The following CC2D2A variants were observed in gnomAD, a reference collection of about 807,000 sequenced individuals.
CC2D2A encodes coiled-coil and C2 domain-containing protein 2A.
In CC2D2A, 155 loss-of-function variants were observed where a neutral mutation model predicts 212.9. The ratio of observed to expected loss-of-function variants is 0.73; its 90% confidence interval spans 0.64 to 0.83. The LOEUF (loss-of-function observed/expected upper bound fraction) is 0.83. CC2D2A is among the 40% of genes least tolerant of loss of function. The pLI, the probability that CC2D2A is intolerant of heterozygous loss-of-function variation, is 0.00. For synonymous variants in CC2D2A, 667 were observed against 686.5 expected, an observed-to-expected ratio of 0.97 and a Z score of 0.44; for missense variants, 1,856 against 1,956.2, an observed-to-expected ratio of 0.95 and a Z score of 0.97.
At chr4:15,582,676 A>G (rs1324989258) in intron 30 of CC2D2A, among the ~76,000 whole-genome samples, 1 of 152,190 alleles carries the variant, frequency 6.6e-6, no homozygotes, top group African/African-American at 2.4e-5. Context: ...AACAATAACA[A>G]GTAATGAGAT....
intron 11 of CC2D2A, among the ~76,000 whole-genome samples, chr4:15,524,752 T>C (rs1458531294): frequency 1.3e-5 from 2 of 152,218 alleles, no homozygotes; most frequent in African/African-American, 4.8e-5. Context: ...CACCCGGCTT[T>C]AATTTTTTTT....
At chr4:15,571,241 T>C (rs1157560689) in intron 28 of CC2D2A, among the ~76,000 whole-genome samples, 1 of 152,226 alleles carries the variant, frequency 6.6e-6, no homozygotes, top group Non-Finnish European at 1.5e-5. Flanking sequence ...TCCATTAATA[T>C]TTCTACAAGT....
At chr4:15,597,697 T>TA (rs1364847365) in intron 35 of CC2D2A, among the ~76,000 whole-genome samples, 1 of 152,234 alleles carries the variant, frequency 6.6e-6, no homozygotes, top group African/African-American at 2.4e-5. Context: ...TACGTACTTC[T>TA]ACAGGGACTT....
At chr4:15,526,086 T>C (rs1013802726) in intron 11 of CC2D2A, among the ~76,000 whole-genome samples, 2 of 152,204 alleles carry the variant, frequency 1.3e-5, no homozygotes, top group Non-Finnish European at 2.9e-5. Flanking sequence ...GAATCCCCTC[T>C]TCTGGGCTGG....
chr4:15,479,313 G>A, intron 3 of CC2D2A: 1 of 1,537,004 alleles, frequency 6.5e-7, no homozygotes, highest in Non-Finnish European at 8.7e-7. Context: ...TCCCGTGCAG[G>A]GTAAATCTTT....
At chr4:15,524,907 C>G (rs1292808919) in intron 11 of CC2D2A, among the ~76,000 whole-genome samples, 1 of 152,158 alleles carries the variant, frequency 6.6e-6, no homozygotes, top group African/African-American at 2.4e-5. Flanking sequence ...ATTATCCCTC[C>G]TTGGGAGTAA....
At chr4:15,595,034 T>C (rs886442114) in intron 33 of CC2D2A, among the ~76,000 whole-genome samples, 1 of 152,254 alleles carries the variant, frequency 6.6e-6, no homozygotes. Flanking sequence ...AGACTGGTCT[T>C]GAACCCCTGG....
chr4:15,519,325 C>A (rs1425308599), intron 11 of CC2D2A: 3 of 409,976 alleles, frequency 7.3e-6, no homozygotes, highest in South Asian at 3.7e-5. Context: ...GAGACCACCT[C>A]AGCCTGGATT....
chr4:15,561,522 A>G (rs941437877), intron 23 of CC2D2A: 4 of 151,906 alleles, frequency 2.6e-5, no homozygotes, highest in Admixed American at 2.6e-4. Context: ...AGAATAGATG[A>G]TGATTTTTCA....
intron 26 of CC2D2A, 72 bp from the exon 27 acceptor site, chr4:15,569,221 T>G: frequency 1.2e-6 from 1 of 816,102 alleles, no homozygotes; most frequent in South Asian, 1.6e-5. Context: ...ATTTTTCAAA[T>G]GCTGACATTT....
chr4:15,581,221 T>G (rs926650262), intron 30 of CC2D2A, among the ~76,000 whole-genome samples: 4 of 152,208 alleles, frequency 2.6e-5, no homozygotes, highest in Non-Finnish European at 5.9e-5. Flanking sequence ...TACATTTCAT[T>G]TGCTTTTTAT....
At chr4:15,549,076 T>C (rs1718863981) in intron 17 of CC2D2A, among the ~76,000 whole-genome samples, 1 of 152,114 alleles carries the variant, frequency 6.6e-6, no homozygotes, top group African/African-American at 2.4e-5. Context: ...TATTTACAGA[T>C]AAAATGATGT....
intron 14 of CC2D2A, among the ~76,000 whole-genome samples, chr4:15,536,553 A>T (rs531973323): frequency 2.0e-5 from 3 of 152,286 alleles, no homozygotes; most frequent in South Asian, 4.1e-4. Flanking sequence ...AGAAGTCATA[A>T]AATAACTAAT....
chr4:15,588,058 C>T (rs149659659), intron 32 of CC2D2A, 129 bp downstream of exon 32: 369 of 557,776 alleles, frequency 6.6e-4, no homozygotes, highest in African/African-American at 6.2e-3. Context: ...CCACAGATGC[C>T]GTAACGGGCA....
At chr4:15,480,933 C>T in intron 4 of CC2D2A, 106 bp downstream of exon 4, 4 of 1,348,524 alleles carry the variant, frequency 3.0e-6, no homozygotes, top group Non-Finnish European at 3.0e-6. Flanking sequence ...CATGCATTGC[C>T]ACTGCTGCTC....
intron 11 of CC2D2A, among the ~76,000 whole-genome samples, chr4:15,517,603 G>C (rs1716957911): frequency 6.6e-6 from 1 of 152,164 alleles, no homozygotes. Flanking sequence ...TCCCAGGCTT[G>C]CTGTGTAAAT....
intron 13 of CC2D2A, 105 bp from the exon 14 acceptor site, chr4:15,533,088 A>G: frequency 1.1e-6 from 1 of 873,296 alleles, no homozygotes; most frequent in Non-Finnish European, 1.7e-6. Flanking sequence ...GTTTCAAAAT[A>G]CGGTAGCTAT....
chr4:15,529,597 C>T (rs1436301180), intron 13 of CC2D2A, among the ~76,000 whole-genome samples: 2 of 152,046 alleles, frequency 1.3e-5, no homozygotes, highest in Admixed American at 1.3e-4. Context: ...TGTTACAGTG[C>T]ATGTAGATTT....
chr4:15,518,859 C>T (rs935400389), intron 11 of CC2D2A, among the ~76,000 whole-genome samples: 5 of 152,304 alleles, frequency 3.3e-5, no homozygotes, highest in Admixed American at 3.3e-4. Context: ...AGCATGGGGA[C>T]CCTAGGCCTG....
Sources: allele counts gnomAD v4.1 joint callset (sites outside exome capture counted in the v4.1 genomes callset), GRCh38; gene constraint gnomAD v4.1.1; transcripts MANE v1.5; gene names NCBI Gene and HGNC (gene_info 2026-07-23, HGNC 2026-07-21).